The following RIMS1 variants were observed in gnomAD, a reference collection of about 807,000 sequenced individuals.
The protein encoded by RIMS1 is regulating synaptic membrane exocytosis protein 1.
RIMS1 carries 83 observed loss-of-function variants against 214.1 expected under a neutral mutation model. The ratio of observed to expected loss-of-function variants is 0.39; its 90% CI spans 0.32 to 0.47. The LOEUF is 0.47. Ranked by LOEUF, RIMS1 falls within the 20% of genes least tolerant of loss-of-function variation. The probability of loss-of-function intolerance (pLI) is 0.99; values close to 1 mark genes in which losing one functional copy is unlikely to be tolerated. For synonymous variants in RIMS1, 793 were observed against 786.8 expected, an observed-to-expected ratio of 1.01 and a Z score of -0.13; for missense variants, 2,050 against 2,161.8, an observed-to-expected ratio of 0.95 and a Z score of 1.03.
intron 4 of RIMS1, among the ~76,000 whole-genome samples, chr6:72,176,130 G>A (rs1162157509): frequency 6.6e-6 from 1 of 152,020 alleles, no homozygotes; most frequent in East Asian, 1.9e-4. Context: ...GTTAAGATAA[G>A]TTATTGCACA....
intron 1 of RIMS1, among the ~76,000 whole-genome samples, chr6:71,921,112 A>C (rs1272120094): frequency 6.6e-6 from 1 of 152,068 alleles, no homozygotes; most frequent in Non-Finnish European, 1.5e-5. Flanking sequence ...TCTGGTCTTC[A>C]ATACAAGCCA....
chr6:72,222,355 G>A (rs948904535), intron 6 of RIMS1, among the ~76,000 whole-genome samples: 3 of 152,024 alleles, frequency 2.0e-5, no homozygotes, highest in Non-Finnish European at 2.9e-5. Flanking sequence ...CAGCTACTCT[G>A]TGTGGGGAGT....
intron 4 of RIMS1, among the ~76,000 whole-genome samples, chr6:72,123,073 A>ACT (rs2038754895): frequency 6.6e-6 from 1 of 151,608 alleles, no homozygotes; most frequent in Non-Finnish European, 1.5e-5. Flanking sequence ...TAGGGTGTCA[A>ACT]TTGTAGATCT....
chr6:72,292,676 T>G (rs2093578228), intron 26 of RIMS1, among the ~76,000 whole-genome samples: 1 of 152,120 alleles, frequency 6.6e-6, no homozygotes, highest in East Asian at 1.9e-4. Context: ...GCTAGATGAT[T>G]TAGACACTAC....
intron 2 of RIMS1, among the ~76,000 whole-genome samples, chr6:72,057,642 G>A (rs1200904363): frequency 1.3e-5 from 2 of 151,812 alleles, no homozygotes; most frequent in Non-Finnish European, 1.5e-5. Context: ...GGAGTAGCTG[G>A]GACTACAGGC....
intron 1 of RIMS1, among the ~76,000 whole-genome samples, chr6:71,905,242 A>C (rs533879514): frequency 2.2e-4 from 34 of 152,246 alleles, no homozygotes; most frequent in African/African-American, 7.5e-4. Context: ...ATTTAGTCCA[A>C]ATATCTCCAC....
chr6:71,940,420 G>A (rs1785708737), intron 1 of RIMS1, among the ~76,000 whole-genome samples: 1 of 152,148 alleles, frequency 6.6e-6, no homozygotes, highest in African/African-American at 2.4e-5. Flanking sequence ...TGGTTGCATG[G>A]ATGGAAGAGT....
chr6:72,075,623 A>T (rs1831625090), intron 2 of RIMS1, among the ~76,000 whole-genome samples: 2 of 152,228 alleles, frequency 1.3e-5, no homozygotes, highest in Non-Finnish European at 2.9e-5. Flanking sequence ...AGTTAAAAAA[A>T]ATTATTTAAC....
At chr6:72,151,158 TCAGCCTCCCAAGTAGCTGGGACTA>T (rs2043513105) in intron 4 of RIMS1, among the ~76,000 whole-genome samples, 1 of 152,174 alleles carries the variant, frequency 6.6e-6, no homozygotes, top group African/African-American at 2.4e-5. Flanking sequence ...TTCTCCTGCC[TCAGCCTCCCAAGTAGCTGGGACTA>T]CAGGCTCCCG....
At chr6:72,149,825 G>C (rs768026603) in intron 4 of RIMS1, among the ~76,000 whole-genome samples, 5 of 152,174 alleles carry the variant, frequency 3.3e-5, no homozygotes, top group Non-Finnish European at 7.3e-5. Flanking sequence ...CCTGCTGCAG[G>C]ATGTGTCTCA....
intron 21 of RIMS1, 116 bp downstream of exon 21, chr6:72,265,619 A>G: frequency 3.2e-6 from 2 of 618,266 alleles, no homozygotes; most frequent in Non-Finnish European, 5.6e-6. Flanking sequence ...TTGGTGTGGC[A>G]TCTGTTCCTG....
intron 6 of RIMS1, among the ~76,000 whole-genome samples, chr6:72,195,121 G>T (rs1318926995): frequency 6.6e-6 from 1 of 152,196 alleles, no homozygotes; most frequent in Non-Finnish European, 1.5e-5. Context: ...CCAAGGGAAA[G>T]CCACTTATAC....
intron 4 of RIMS1, among the ~76,000 whole-genome samples, chr6:72,162,155 C>G (rs1202751873): frequency 7.1e-6 from 1 of 140,540 alleles, no homozygotes; most frequent in Non-Finnish European, 1.6e-5. Flanking sequence ...CCTTCTTTGT[C>G]TCTTTTGATC....
chr6:72,266,024 A>G lies in RIMS1; in HGVS notation c.3373A>G (p.Ser1125Gly), dbSNP rs2080372535. 3 of 1,583,258 alleles carry G rather than the reference A, an allele frequency of 1.9e-6. No individual in the cohort carries two copies. Among genetic ancestry groups the G allele is most frequent in the African/African-American group, 2.7e-5 (2 of 74,362 alleles). ...TACCAACTGCTTGAGACCAGATACT[A>G]GTTTGCATTCACCAGAACGAGAAAG... is the stretch of plus-strand genomic sequence containing the variant. ...ASTNCLRPDT[S>G]LHSPERERGR... The change falls in exon 22 of 34, where the codon AGT becomes GGT. Residue 1125 changes from serine to glycine, a missense_variant. Coordinates refer to ENST00000521978, the MANE Select transcript of RIMS1 (RefSeq NM_014989.7).
In RIMS1 at chr6:71,940,820, G is replaced by A. The variant is rs1785853256; in HGVS notation, c.165-28163G>A. The stretch of plus-strand genomic sequence containing the variant: ...AGTTAGGGGCACTATCTTCTGTTAA[G>A]ATTACATTTCAAAGGGATGGCTCCC... On this transcript the variant is annotated intron_variant, in intron 1 of 33. Coordinates refer to ENST00000521978, the MANE Select transcript of RIMS1 (RefSeq NM_014989.7). Among the ~76,000 whole-genome samples the A allele has an allele frequency of 1.3e-5, 2 of 152,102 alleles. 1 individual carries two copies.
intron 2 of RIMS1, among the ~76,000 whole-genome samples, chr6:72,028,229 C>CTT (rs747194550): frequency 6.6e-6 from 1 of 151,998 alleles, no homozygotes; most frequent in Non-Finnish European, 1.5e-5. Flanking sequence ...ATTCTTAACA[C>CTT]TTTTGTCATA....
chr6:72,104,237 G>A (rs2034261525), intron 4 of RIMS1, among the ~76,000 whole-genome samples: 2 of 152,102 alleles, frequency 1.3e-5, no homozygotes, highest in Non-Finnish European at 2.9e-5. Context: ...AAGAGAACTA[G>A]CAGTTTCAGT....
intron 4 of RIMS1, among the ~76,000 whole-genome samples, chr6:72,138,574 T>G (rs2041677311): frequency 1.3e-5 from 2 of 152,126 alleles, no homozygotes; most frequent in Non-Finnish European, 2.9e-5. Context: ...ATCTGGCTGT[T>G]GACATTAGTT....
intron 26 of RIMS1, among the ~76,000 whole-genome samples, chr6:72,302,315 C>A (rs1403109618): frequency 6.6e-6 from 1 of 151,470 alleles, no homozygotes; most frequent in African/African-American, 2.4e-5. Context: ...TGGGCAGAGA[C>A]TAGTATTGTA....
Sources: gnomAD v4.1 joint callset for allele counts (sites outside exome capture counted in the v4.1 genomes callset) on GRCh38, gnomAD v4.1.1 for gene constraint, MANE v1.5 for transcripts, NCBI Gene and HGNC (gene_info 2026-07-23, HGNC 2026-07-21) for gene names.